The following AVL9 variants were observed in gnomAD, a reference collection of about 807,000 sequenced individuals.
The protein encoded by AVL9 is AVL9 cell migration associated, also known as late secretory pathway protein AVL9 homolog.
Under a neutral mutation model 79.2 loss-of-function variants are expected in AVL9, and 49 were observed. That is an observed-to-expected ratio of 0.62 (90% confidence interval 0.49 to 0.79). The LOEUF (loss-of-function observed/expected upper bound fraction) is 0.79, where lower values mean the gene tolerates loss of function less well. AVL9 is among the 30% of genes least tolerant of loss of function. The pLI, the probability that AVL9 is intolerant of heterozygous loss-of-function variation, is 0.00. For missense variants in AVL9, 682 were observed against 776.8 expected (o/e 0.88, Z 1.45); for synonymous variants, 299 against 280.6 (o/e 1.07, Z -0.65).
At chr7:32,560,304 G>T (rs1440096882) in intron 10 of AVL9, among the ~76,000 whole-genome samples, 4 of 151,292 alleles carry the variant, frequency 2.6e-5, no homozygotes, top group Non-Finnish European at 5.9e-5. Context: ...AATGTTAAAA[G>T]CACAATAAAG....
chr7:32,495,874 T>A (rs1393762850), intron 1 of AVL9, 72 bp downstream of exon 1: 4 of 996,676 alleles, frequency 4.0e-6, no homozygotes, highest in Non-Finnish European at 5.3e-6. Context: ...CTGCCCTGCT[T>A]CTGTGTGCTC....
chr7:32,514,773 C>T (rs1231499441), intron 1 of AVL9, among the ~76,000 whole-genome samples: 2 of 152,130 alleles, frequency 1.3e-5, no homozygotes, highest in East Asian at 1.9e-4. Flanking sequence ...ACCCTTTGAC[C>T]GTAATTTTCC....
At chr7:32,548,144 C>CTGTCTTTTTTTTTTT (rs1227025763) in intron 3 of AVL9, among the ~76,000 whole-genome samples, 1 of 57,598 alleles carries the variant, frequency 1.7e-5, no homozygotes, top group African/African-American at 5.4e-5. Flanking sequence ...TTTGTCATCT[C>CTGTCTTTTTTTTTTT]TTTTTTCTTT....
chr7:32,546,997 T>C (rs1161950353), intron 3 of AVL9, among the ~76,000 whole-genome samples: 2 of 152,108 alleles, frequency 1.3e-5, no homozygotes, highest in African/African-American at 4.8e-5. Flanking sequence ...GCAGATTTAT[T>C]TGGAAAGCCA....
chr7:32,528,076 CCTTGT>C (rs1788483495), intron 1 of AVL9, among the ~76,000 whole-genome samples: 2 of 152,136 alleles, frequency 1.3e-5, no homozygotes, highest in African/African-American at 4.8e-5. Context: ...CTCTACAACC[CCTTGT>C]CTTCACCCAG....
In AVL9 at chr7:32,570,071, G is replaced by A. The variant is rs374798430; in HGVS notation, c.1267G>A (p.Asp423Asn). The change falls in exon 11 of 16, where the codon GAT becomes AAT. Residue 423 changes from aspartate to asparagine, a missense_variant. By Grantham distance (23) the Asp-to-Asn change is conservative. Transcript: ENST00000318709. ...ATTGCAGCAGCATCATCTTCTCTCCGATGTCACCGTTCGGGGGTTTGTTGC... is the reference window on the plus strand; with the variant it reads ...ATTGCAGCAGCATCATCTTCTCTCCAATGTCACCGTTCGGGGGTTTGTTGC... ...MALQQHHLLS[D>N]VTVRGFVAGA... 87 of 1,614,144 alleles carry A rather than the reference G, an allele frequency of 5.4e-5. No homozygotes were observed. In the African/African-American group the frequency reaches 7.1e-4, roughly 13 times the overall value.
intron 1 of AVL9, among the ~76,000 whole-genome samples, chr7:32,511,169 C>A (rs1369433357): frequency 1.4e-5 from 2 of 145,142 alleles, no homozygotes. Context: ...AGTCCTGGCA[C>A]TTCTGAACTG....
chr7:32,545,364 C>CTTTTTTTTTTTTTTTT (rs10610945), intron 3 of AVL9, among the ~76,000 whole-genome samples: 3 of 73,352 alleles, frequency 4.1e-5, no homozygotes, highest in African/African-American at 1.6e-4. Flanking sequence ...TCTAAGATTT[C>CTTTTTTTTTTTTTTTT]TTTTTTTTTT....
rs1181751710 is a variant in AVL9, at chr7:32,586,079, G to A, written c.*2172G>A. 1.3e-5 allele frequency: 2 copies of A among 152,108 alleles called. No homozygotes were observed. Among genetic ancestry groups the A allele is most frequent in the African/African-American group, 2.4e-5 (1 of 41,414 alleles). The allele number at this position is 152,108 out of a possible 1,614,324, so 9.4% of individuals were successfully genotyped here. A position where few individuals can be genotyped will look rare whatever the true frequency, so the allele number is the denominator to read the frequency against. ...TTCAGTTGGTATGGTTTCTGTGATC[G>A]GGGTAAACTCCCGTCTCCCACTATT... On this transcript the variant is annotated 3_prime_UTR_variant, in exon 16 of 16. Coordinates refer to ENST00000318709, the MANE Select transcript of AVL9 (RefSeq NM_015060.3).
chr7:32,580,822 G>A lies in AVL9; in HGVS notation c.1763G>A (p.Arg588His), dbSNP rs768298361. ...CCCAGTTCTGTTCAGAATAGTGAAC[G>A]TGGCAAAAAAATTGGAAACGTCATG... ...RFSHSVQNSE[R>H]GKKIGNVMVT... Residue 588 changes from arginine (R) to histidine (H), a missense_variant, in exon 15 of 16, where the codon CGT becomes CAT. By Grantham distance (29) the Arg-to-His change is conservative. Transcript: ENST00000318709. The A allele has an allele frequency of 2.2e-5, 36 of 1,613,472 alleles. No homozygotes were observed. Among genetic ancestry groups the A allele is most frequent in the Admixed American group, 3.3e-5 (2 of 59,944 alleles).
chr7:32,554,469 C>A, intron 7 of AVL9, 89 bp from the exon 8 acceptor site: 10 of 723,396 alleles, frequency 1.4e-5, no homozygotes, highest in East Asian at 3.1e-5. Context: ...TTTAGTATTA[C>A]TGATTATGGT....
chr7:32,549,996 A>G (rs912005733), intron 4 of AVL9, among the ~76,000 whole-genome samples: 1 of 152,210 alleles, frequency 6.6e-6, no homozygotes, highest in Non-Finnish European at 1.5e-5. Flanking sequence ...AAATTGATCA[A>G]TTATTCATCT....
intron 8 of AVL9, among the ~76,000 whole-genome samples, chr7:32,557,048 T>G (rs1476041106): frequency 6.6e-6 from 1 of 152,208 alleles, no homozygotes; most frequent in Non-Finnish European, 1.5e-5. Context: ...CTTCAGGATA[T>G]ATTTCTTAAG....
In AVL9 at chr7:32,582,173, A is replaced by G. The variant is rs76991716; in HGVS notation, c.1831+1283A>G. Reference sequence around the variant, plus strand: ...ATTGCAACAGTGCAAGAAACTCCCAATTATCTTCTGATTCACCAATTATTT... The same window carrying G: ...ATTGCAACAGTGCAAGAAACTCCCAGTTATCTTCTGATTCACCAATTATTT... On this transcript the variant is annotated intron_variant, in intron 15 of 15. Coordinates refer to ENST00000318709, the MANE Select transcript of AVL9 (RefSeq NM_015060.3). Among the ~76,000 whole-genome samples, 744 of 152,336 alleles carry G rather than the reference A, an allele frequency of 4.9e-3. 8 individuals are homozygous for G. Among genetic ancestry groups the G allele is most frequent in the African/African-American group, 0.017 (698 of 41,576 alleles).
At chr7:32,520,999 C>T (rs1334226981) in intron 1 of AVL9, among the ~76,000 whole-genome samples, 1 of 152,092 alleles carries the variant, frequency 6.6e-6, no homozygotes, top group African/African-American at 2.4e-5. Flanking sequence ...TCTGCTTTTG[C>T]TCCTTCCTTA....
chr7:32,570,952 C>A (rs1377597669), intron 11 of AVL9, among the ~76,000 whole-genome samples: 2 of 141,582 alleles, frequency 1.4e-5, no homozygotes, highest in African/African-American at 5.2e-5. Context: ...TTATGAGGCT[C>A]GGCGCAGTGG....
chr7:32,570,250 G>T, intron 11 of AVL9, 96 bp downstream of exon 11: 3 of 1,445,424 alleles, frequency 2.1e-6, no homozygotes, highest in South Asian at 1.2e-5. Context: ...CATTAGTAAT[G>T]ATAATAACTG....
At chr7:32,565,377 T>C (rs1790513778) in intron 10 of AVL9, among the ~76,000 whole-genome samples, 1 of 151,946 alleles carries the variant, frequency 6.6e-6, no homozygotes, top group South Asian at 2.1e-4. Context: ...CTGACCAACA[T>C]GGAGAAACCC....
At position 32,495,634 on chromosome 7, in the gene AVL9, T is replaced by G. The variant is rs1456146560; in HGVS notation, c.-76T>G. On this transcript the variant is annotated 5_prime_UTR_variant, in exon 1 of 16. Transcript: ENST00000318709. ...TCGCTGACACCCGAAGTCCGCGGCT[T>G]TCCGCACACGGTGGGGTCGTCAGAC... The G allele has an allele frequency of 1.9e-6, 2 of 1,047,762 alleles. No individual in the cohort carries two copies. Among genetic ancestry groups the G allele is most frequent in the African/African-American group, 3.3e-5 (2 of 60,546 alleles). 64.9% of individuals were successfully genotyped at this position (1,047,762 alleles called of 1,614,324 possible). A position where few individuals can be genotyped will look rare whatever the true frequency, so the allele number is the denominator to read the frequency against.
Sources: gnomAD v4.1 joint callset for allele counts (sites outside exome capture counted in the v4.1 genomes callset) on GRCh38, gnomAD v4.1.1 for gene constraint, MANE v1.5 for transcripts, NCBI Gene and HGNC (gene_info 2026-07-23, HGNC 2026-07-21) for gene names.